PRKAG2: variants seen among roughly 807,000 people sequenced by gnomAD.
The protein encoded by PRKAG2 is protein kinase AMP-activated non-catalytic subunit gamma 2.
PRKAG2 carries 26 observed loss-of-function variants against 69.6 expected under a neutral mutation model. The ratio of observed to expected loss-of-function variants is 0.37; its 90% CI spans 0.27 to 0.52. The LOEUF (loss-of-function observed/expected upper bound fraction) is 0.52. Among genes scored for constraint, PRKAG2 ranks in the 20% least tolerant of loss-of-function variants. The probability of loss-of-function intolerance (pLI) is 0.90; values close to 1 mark genes in which losing one functional copy is unlikely to be tolerated. For missense variants in PRKAG2, 557 were observed against 740.0 expected (o/e 0.75, Z 2.87); for synonymous variants, 293 against 285.0 (o/e 1.03, Z -0.28).
chr7:151,851,437 T>C (rs2079567092), intron 1 of PRKAG2, among the ~76,000 whole-genome samples: 1 of 152,098 alleles, frequency 6.6e-6, no homozygotes, highest in African/African-American at 2.4e-5. Context: ...TGTGGGCAAC[T>C]CTGCCAGCAA....
intron 5 of PRKAG2, among the ~76,000 whole-genome samples, chr7:151,629,376 T>C (rs1823821915): frequency 1.3e-5 from 2 of 152,122 alleles, no homozygotes; most frequent in African/African-American, 4.8e-5. Flanking sequence ...TGGCTATTCT[T>C]ATGCACAGAG....
intron 1 of PRKAG2, among the ~76,000 whole-genome samples, chr7:151,789,585 C>T (rs772436031): frequency 6.6e-6 from 1 of 152,204 alleles, no homozygotes; most frequent in Admixed American, 6.5e-5. Flanking sequence ...CCACTCGTAC[C>T]GTCACCTCAG....
At chr7:151,762,516 G>A (rs1255515394) in intron 3 of PRKAG2, among the ~76,000 whole-genome samples, 1 of 152,148 alleles carries the variant, frequency 6.6e-6, no homozygotes, top group Admixed American at 6.5e-5. Flanking sequence ...TGGGGGCTAG[G>A]AAGGCTGGCA....
At chr7:151,647,472 T>TA (rs572699637) in intron 4 of PRKAG2, among the ~76,000 whole-genome samples, 129 of 152,298 alleles carry the variant, frequency 8.5e-4, no homozygotes, top group Non-Finnish European at 1.2e-3. Flanking sequence ...GTAATTTAAA[T>TA]AATAAAAAGC....
At chr7:151,832,195 A>T (rs2079040571) in intron 1 of PRKAG2, among the ~76,000 whole-genome samples, 1 of 146,898 alleles carries the variant, frequency 6.8e-6, no homozygotes, top group African/African-American at 2.5e-5. Flanking sequence ...GACACTAGTG[A>T]CTGATTAGAG....
intron 3 of PRKAG2, among the ~76,000 whole-genome samples, chr7:151,726,371 G>GACACACACACAC (rs60238080): frequency 0.011 from 1,667 of 148,360 alleles, 29 homozygotes; most frequent in African/African-American, 0.027. Context: ...AGGGAGGCAG[G>GACACACACACAC]ACACACACAC....
chr7:151,717,945 C>T (rs1430315539), intron 3 of PRKAG2, among the ~76,000 whole-genome samples: 5 of 152,186 alleles, frequency 3.3e-5, no homozygotes, highest in Admixed American at 6.5e-5. Flanking sequence ...ATTCTTTCTG[C>T]CCACGCAGCA....
chr7:151,873,905 T>C (rs975378622), intron 1 of PRKAG2, among the ~76,000 whole-genome samples: 2 of 152,092 alleles, frequency 1.3e-5, no homozygotes, highest in Admixed American at 1.3e-4. Context: ...CACTGGACAA[T>C]GGCATGTTCT....
chr7:151,863,285 C>A (rs1249250810), intron 1 of PRKAG2, among the ~76,000 whole-genome samples: 1 of 151,952 alleles, frequency 6.6e-6, no homozygotes, highest in Non-Finnish European at 1.5e-5. Context: ...CTGGTAGCCA[C>A]TGGTACTCAG....
intron 4 of PRKAG2, among the ~76,000 whole-genome samples, chr7:151,663,429 C>T (rs1830601916): frequency 6.6e-6 from 1 of 152,214 alleles, no homozygotes; most frequent in Non-Finnish European, 1.5e-5. Context: ...CAGGCAAAAT[C>T]ATGGCTCACT....
At chr7:151,641,908 T>C (rs1826767596) in intron 4 of PRKAG2, among the ~76,000 whole-genome samples, 1 of 151,850 alleles carries the variant, frequency 6.6e-6, no homozygotes, top group African/African-American at 2.4e-5. Context: ...TGAGTATTAA[T>C]TCTTGGCCAC....
chr7:151,769,851 C>T (rs1186079790), intron 3 of PRKAG2, among the ~76,000 whole-genome samples: 2 of 152,200 alleles, frequency 1.3e-5, no homozygotes, highest in Non-Finnish European at 2.9e-5. Flanking sequence ...GGGCACCTAA[C>T]CTGCTGGCCC....
chr7:151,681,291 C>A (rs1301439462), intron 3 of PRKAG2, among the ~76,000 whole-genome samples: 1 of 152,136 alleles, frequency 6.6e-6, no homozygotes, highest in Non-Finnish European at 1.5e-5. Context: ...TCTATCATTG[C>A]CATCTTTCCA....
At chr7:151,766,977 G>A (rs2075766065) in intron 3 of PRKAG2, among the ~76,000 whole-genome samples, 1 of 152,226 alleles carries the variant, frequency 6.6e-6, no homozygotes, top group African/African-American at 2.4e-5. Context: ...TCATGTGGAA[G>A]TAGGGTCATT....
intron 3 of PRKAG2, among the ~76,000 whole-genome samples, chr7:151,742,231 T>G (rs201044901): frequency 1.9e-3 from 157 of 80,734 alleles, no homozygotes; most frequent in South Asian, 6.9e-3. Context: ...CTGAATCCCA[T>G]AGGACTCCAG....
intron 3 of PRKAG2, among the ~76,000 whole-genome samples, chr7:151,773,197 GGAAA>G (rs1235524180): frequency 6.4e-4 from 75 of 116,686 alleles, no homozygotes; most frequent in African/African-American, 2.2e-3. Context: ...AAAGAAAGAA[GGAAA>G]GAAAGAAAGG....
chr7:151,677,815 C>T (rs1833180026), intron 3 of PRKAG2, among the ~76,000 whole-genome samples: 1 of 152,204 alleles, frequency 6.6e-6, no homozygotes, highest in South Asian at 2.1e-4. Context: ...GGTCACTTTC[C>T]TTTTTCTGTC....
At chr7:151,700,915 A>G (rs1837574145) in intron 3 of PRKAG2, among the ~76,000 whole-genome samples, 1 of 152,246 alleles carries the variant, frequency 6.6e-6, no homozygotes, top group East Asian at 1.9e-4. Context: ...TGCCCGGGAA[A>G]TCCGAGCAGG....
At chr7:151,674,281 T>C (rs1832548721) in intron 4 of PRKAG2, among the ~76,000 whole-genome samples, 1 of 152,302 alleles carries the variant, frequency 6.6e-6, no homozygotes, top group South Asian at 2.1e-4. Flanking sequence ...CCTAGAGGCT[T>C]TGAAGAGAGT....
Sources: gnomAD v4.1 joint callset for allele counts (sites outside exome capture counted in the v4.1 genomes callset) on GRCh38, gnomAD v4.1.1 for gene constraint, MANE v1.5 for transcripts, NCBI Gene and HGNC (gene_info 2026-07-23, HGNC 2026-07-21) for gene names.